Variants in DNASE2B observed in about 807,000 individuals in gnomAD.
DNASE2B encodes deoxyribonuclease 2 beta.
Under a neutral mutation model 46.0 loss-of-function variants are expected in DNASE2B, and 43 were observed. The observed-to-expected ratio is 0.94, with a 90% CI of 0.73 to 1.21. DNASE2B has a LOEUF of 1.21. Among genes scored for constraint, DNASE2B ranks in the 50% most tolerant of loss-of-function variants. The pLI is 0.00. For synonymous variants in DNASE2B, 156 were observed against 152.5 expected, an observed-to-expected ratio of 1.02 and a Z score of -0.17; for missense variants, 395 against 414.4, an observed-to-expected ratio of 0.95 and a Z score of 0.41.
chr1:84,410,826 T>G lies in DNASE2B; in HGVS notation c.386-12T>G. The G allele has an allele frequency of 6.2e-7, 1 of 1,602,376 alleles. No individual in the cohort carries two copies. The highest frequency in any genetic ancestry group is 8.5e-7 in the Non-Finnish European group (1 of 1,176,318). ...TTTTCTGATTTATCTTTGTTAAATG[T>G]GTCTTTGGTAGGTTTACTGCTGTGG... is the stretch of plus-strand genomic sequence containing the variant. On this transcript the variant is annotated splice_polypyrimidine_tract_variant and intron_variant, in intron 3 of 5. Coordinates refer to ENST00000370665, the MANE Select transcript of DNASE2B (RefSeq NM_021233.3).
chr1:84,414,681 GTTC>G lies in DNASE2B; in HGVS notation c.902_904del (p.Ser301del). 1 of 1,614,152 alleles carries G rather than the reference GTTC, an allele frequency of 6.2e-7. No individual in the cohort carries two copies. Among genetic ancestry groups the G allele is most frequent in the South Asian group, 1.1e-5 (1 of 91,082 alleles). On this transcript the variant is annotated inframe_deletion, in exon 6 of 6. Transcript: ENST00000370665. ...AAATTATCACGACACTCTTATTTCA[GTTC>G]TTATCAAGATCATGCCAAGTGGTGT...
chr1:84,404,105 C>A (rs1477592936), intron 2 of DNASE2B, among the ~76,000 whole-genome samples: 1 of 152,032 alleles, frequency 6.6e-6, no homozygotes, highest in Non-Finnish European at 1.5e-5. Context: ...TGCACCCAGC[C>A]TAAAAGCAGC....
Position 84,401,947 on chromosome 1 carries a change from G to C in DNASE2B, c.172G>C (p.Glu58Gln). The C allele has an allele frequency of 6.4e-7, 1 of 1,570,010 alleles. No individual in the cohort carries two copies. The highest frequency in any genetic ancestry group is 2.3e-5 in the East Asian group (1 of 44,058). The change falls in exon 2 of 6, where the codon GAG (glutamate) becomes CAG (glutamine). Residue 58 changes from glutamate (E) to glutamine (Q), a missense_variant. Transcript: ENST00000370665. ...TAAAAGACAAAACAAGGAAAGTGGA[G>C]AGACTGGGTTAGAGTACCTGTACCT... is the stretch of plus-strand genomic sequence containing the variant. ...LPKRQNKESG[E>Q]TGLEYLYLDS...
chr1:84,410,138 A>G (rs1159540749), intron 3 of DNASE2B, among the ~76,000 whole-genome samples: 1 of 152,242 alleles, frequency 6.6e-6, no homozygotes, highest in East Asian at 1.9e-4. Context: ...ATAAATTTCT[A>G]AACACAAAAA....
intron 1 of DNASE2B, 69 bp downstream of exon 1, chr1:84,398,758 C>A (rs1482260318): frequency 3.2e-6 from 5 of 1,573,562 alleles, no homozygotes; most frequent in Admixed American, 1.8e-5. Context: ...TGGCTCACTG[C>A]GAAGTTCCTA....
intron 5 of DNASE2B, 59 bp downstream of exon 5, chr1:84,412,605 G>GAT (rs1680621251): frequency 7.3e-7 from 1 of 1,368,828 alleles, no homozygotes; most frequent in African/African-American, 1.5e-5. Context: ...ACTGACTAGG[G>GAT]ATAGCTTAGA....
chr1:84,402,208 G>A (rs1680433426), intron 2 of DNASE2B, 130 bp downstream of exon 2: 3 of 828,098 alleles, frequency 3.6e-6, no homozygotes, highest in East Asian at 3.1e-5. Context: ...GCTAGCTCAG[G>A]ACCAGCTCAA....
intron 1 of DNASE2B, among the ~76,000 whole-genome samples, chr1:84,399,139 A>G (rs936578368): frequency 6.6e-6 from 1 of 152,214 alleles, no homozygotes; most frequent in Non-Finnish European, 1.5e-5. Context: ...CACACACAGC[A>G]CTGTTTGCCT....
chr1:84,405,613 C>A (rs1185057105), intron 2 of DNASE2B, among the ~76,000 whole-genome samples: 2 of 152,282 alleles, frequency 1.3e-5, no homozygotes, highest in East Asian at 3.9e-4. Context: ...TCTGATATTG[C>A]CCCAAACATG....
At chr1:84,412,691 C>A in intron 5 of DNASE2B, 145 bp downstream of exon 5, 1 of 801,178 alleles carries the variant, frequency 1.2e-6, no homozygotes, top group Non-Finnish European at 1.8e-6. Flanking sequence ...AGTCACGGAT[C>A]AGTTCAAACA....
In DNASE2B at chr1:84,398,515, C is replaced by T; in HGVS notation, c.-50C>T. On this transcript the variant is annotated 5_prime_UTR_variant, in exon 1 of 6. Coordinates refer to ENST00000370665, the MANE Select transcript of DNASE2B (RefSeq NM_021233.3). ...AGCACAGCCTGAGAGCGCCTTGAAA[C>T]TCAGACTCCACAATCTATGGGGAAA... is the stretch of plus-strand genomic sequence containing the variant. 1.9e-6 allele frequency: 3 copies of T among 1,605,820 alleles called. No individual in the cohort carries two copies. The highest frequency in any genetic ancestry group is 2.6e-6 in the Non-Finnish European group (3 of 1,174,938).
At chr1:84,399,191 T>G (rs540191812) in intron 1 of DNASE2B, among the ~76,000 whole-genome samples, 1 of 152,374 alleles carries the variant, frequency 6.6e-6, no homozygotes, top group East Asian at 1.9e-4. Flanking sequence ...GTTGCCATGA[T>G]TGGTACGTAG....
Position 84,398,688 on chromosome 1 carries a change from T to C in DNASE2B, c.124T>C (p.Trp42Arg), listed in dbSNP as rs540274310. The change falls in exon 1 of 6, where the codon TGG becomes CGG. Residue 42 changes from tryptophan to arginine, a missense_variant and splice_region_variant. Physicochemically the swap from Trp to Arg is moderately radical, Grantham distance 101. Coordinates refer to ENST00000370665, the MANE Select transcript of DNASE2B (RefSeq NM_021233.3). Reference protein sequence around the residue: ...CRNEEGKAVDWFTFYKLPKRQ... With the variant: ...CRNEEGKAVDRFTFYKLPKRQ... Reference sequence around the variant, plus strand: ...AAATGAAGAAGGGAAAGCTGTGGACTGGTAGGTAAATGAAATGGAAGGACT... The same window carrying C: ...AAATGAAGAAGGGAAAGCTGTGGACCGGTAGGTAAATGAAATGGAAGGACT... 119 of 1,613,576 alleles carry C rather than the reference T, an allele frequency of 7.4e-5. 4 individuals are homozygous for C. The East Asian group carries it at 8.9e-4, about 12-fold the overall frequency.
In DNASE2B at chr1:84,414,637, C is replaced by T. The variant is rs760288673; in HGVS notation, c.855C>T (p.Val285=). 3 of 1,614,114 alleles carry T rather than the reference C, an allele frequency of 1.9e-6. No individual in the cohort carries two copies. Among genetic ancestry groups the T allele is most frequent in the Non-Finnish European group, 1.7e-6 (2 of 1,180,000 alleles). The change falls in exon 6 of 6, where the codon GTC becomes GTT. Residue 285 remains valine (V), a synonymous_variant. Transcript: ENST00000370665. ...LPSNCSLPYH[V]YNIKAIKLSR... ...CAAACTGCTCCCTTCCTTACCATGT[C>T]TACAATATAAAAGCAATTAAATTAT... is the stretch of plus-strand genomic sequence containing the variant.
chr1:84,414,523 CCTAGACAT>C lies in DNASE2B; in HGVS notation c.746-2_751del. 6.3e-7 allele frequency: 1 copy of C among 1,599,106 alleles called. No homozygotes were observed. The highest frequency in any genetic ancestry group is 8.5e-7 in the Non-Finnish European group (1 of 1,173,018). ...CCTCACTATCTTTCTCCTCCTAAAC[CCTAGACAT>C]CTTTGCAGCCTGGATGGCTCAACGG... is the stretch of plus-strand genomic sequence containing the variant. On this transcript the variant is annotated splice_acceptor_variant and splice_polypyrimidine_tract_variant and coding_sequence_variant and intron_variant, in exon 6 of 6. Coordinates refer to ENST00000370665, the MANE Select transcript of DNASE2B (RefSeq NM_021233.3). LOFTEE classifies it high-confidence loss of function.
chr1:84,403,706 T>G (rs1276253513), intron 2 of DNASE2B, among the ~76,000 whole-genome samples: 3 of 152,158 alleles, frequency 2.0e-5, no homozygotes, highest in Non-Finnish European at 2.9e-5. Context: ...TATACAGTAG[T>G]AATCATTTTT....
chr1:84,399,552 G>A (rs758186737), intron 1 of DNASE2B, among the ~76,000 whole-genome samples: 108 of 152,346 alleles, frequency 7.1e-4, no homozygotes, highest in East Asian at 5.8e-4. Context: ...CTCTAAGGAT[G>A]TAATTTTTGA....
At chr1:84,405,333 G>A (rs938690770) in intron 2 of DNASE2B, among the ~76,000 whole-genome samples, 1 of 152,138 alleles carries the variant, frequency 6.6e-6, no homozygotes, top group Non-Finnish European at 1.5e-5. Context: ...AGCTATAAAA[G>A]TATTTTGTAA....
intron 2 of DNASE2B, among the ~76,000 whole-genome samples, chr1:84,406,692 A>G (rs1338358575): frequency 6.6e-6 from 1 of 152,206 alleles, no homozygotes; most frequent in Non-Finnish European, 1.5e-5. Flanking sequence ...GCAGTTGGTG[A>G]TATCCAGGTA....
Sources: allele counts gnomAD v4.1 joint callset (sites outside exome capture counted in the v4.1 genomes callset), GRCh38; gene constraint gnomAD v4.1.1; transcripts MANE v1.5; gene names NCBI Gene and HGNC (gene_info 2026-07-23, HGNC 2026-07-21).